The following RAB40C variants were observed in gnomAD, a reference collection of about 807,000 sequenced individuals.
The protein encoded by RAB40C is ras-related protein Rab-40C.
In RAB40C, 8 loss-of-function variants were observed where a neutral mutation model predicts 28.1. That is an observed-to-expected ratio of 0.28 (90% confidence interval 0.17 to 0.51). RAB40C has a LOEUF of 0.51. RAB40C is among the 20% of genes least tolerant of loss of function. RAB40C has a pLI of 0.97. For synonymous variants in RAB40C, 201 were observed against 171.7 expected, an observed-to-expected ratio of 1.17 and a Z score of -1.34; for missense variants, 288 against 405.9, an observed-to-expected ratio of 0.71 and a Z score of 2.50.
Position 625,492 on chromosome 16 carries a change from A to T in RAB40C, c.325A>T (p.Ile109Phe). The T allele has an allele frequency of 6.2e-7, 1 of 1,613,470 alleles. No homozygotes were observed. Among genetic ancestry groups the T allele is most frequent in the Non-Finnish European group, 8.5e-7 (1 of 1,179,954 alleles). The change falls in exon 4 of 6, where the codon ATC (isoleucine) becomes TTC (phenylalanine). Residue 109 changes from isoleucine (I) to phenylalanine (F), a missense_variant. Coordinates refer to ENST00000248139, the MANE Select transcript of RAB40C (RefSeq NM_021168.5). The part of the protein sequence containing the change: ...RWSFDGIDRW[I>F]KEIDEHAPGV... ...GTCCTTTGACGGCATCGACCGCTGG[A>T]TCAAGGAGATCGATGAGGTAGGCCT... is the stretch of plus-strand genomic sequence containing the variant.
intron 1 of RAB40C, among the ~76,000 whole-genome samples, chr16:595,054 A>C (rs1310220418): frequency 1.3e-5 from 2 of 152,052 alleles, no homozygotes; most frequent in African/African-American, 4.8e-5. Flanking sequence ...CCTGACCTCA[A>C]GTGATCCACC....
rs557244629 is a variant in RAB40C at position 599,736 on chromosome 16, C to CA, written c.142+9303_142+9304insA. Among the ~76,000 whole-genome samples, 13 of 76,806 alleles carry CA rather than the reference C, an allele frequency of 1.7e-4. 1 individual carries two copies. In the South Asian group the frequency reaches 5.7e-3, roughly 34 times the overall value. 50.4% of individuals were successfully genotyped at this position (76,806 alleles called of 152,430 possible). A position where few individuals can be genotyped will look rare whatever the true frequency, so the allele number is the denominator to read the frequency against. ...CTCGTGGCATCAGTCAGCGTGGATT[C>CA]GCAAGGTTTTGTTCCCTCGTGGCAT... is the stretch of plus-strand genomic sequence containing the variant. On this transcript the variant is annotated intron_variant, in intron 1 of 5. Coordinates refer to ENST00000248139, the MANE Select transcript of RAB40C (RefSeq NM_021168.5).
intron 1 of RAB40C, among the ~76,000 whole-genome samples, chr16:607,691 T>C (rs943765305): frequency 6.6e-6 from 1 of 152,088 alleles, no homozygotes; most frequent in Non-Finnish European, 1.5e-5. Context: ...CTCGGGAGGC[T>C]GAGGCAGGAG....
At chr16:618,124 G>A (rs2036626509) in intron 2 of RAB40C, 76 bp from the exon 3 acceptor site, 5 of 1,428,940 alleles carry the variant, frequency 3.5e-6, no homozygotes, top group Non-Finnish European at 4.9e-6. Context: ...ATCCAGGTGG[G>A]TCGGCAGAGG....
chr16:624,048 C>T (rs2036776354), intron 3 of RAB40C: 1 of 985,368 alleles, frequency 1.0e-6, no homozygotes, highest in Non-Finnish European at 1.2e-6. Flanking sequence ...CTGCTGTCTT[C>T]AGCATCTGCA....
intron 5 of RAB40C, 106 bp from the exon 6 acceptor site, chr16:627,236 T>G: frequency 8.7e-7 from 1 of 1,153,644 alleles, no homozygotes; most frequent in South Asian, 1.4e-5. Flanking sequence ...GGAACACCTC[T>G]AGGAGTGTGG....
chr16:602,618 A>G lies in RAB40C; in HGVS notation c.142+12185A>G, dbSNP rs552379728. Among the ~76,000 whole-genome samples the G allele has an allele frequency of 6.4e-4, 98 of 152,034 alleles. 6 individuals are homozygous for G. The South Asian group carries it at 0.012, about 18-fold the overall frequency. On this transcript the variant is annotated intron_variant, in intron 1 of 5. Coordinates refer to ENST00000248139, the MANE Select transcript of RAB40C (RefSeq NM_021168.5). ...TAGTTTTTTGGTATTTTTTTAGTAG[A>G]GATGAGGTTTCACCATGTCGGCCAG...
In RAB40C at chr16:590,423, C is replaced by G. The variant is rs1482598319; in HGVS notation, c.132C>G (p.Ala44=). 6.3e-7 allele frequency: 1 copy of G among 1,587,768 alleles called. No homozygotes were observed. The highest frequency in any genetic ancestry group is 8.5e-7 in the Non-Finnish European group (1 of 1,170,192). ...LQDGAAESPY[A]YSNGIDYKTT... ...ACGGCGCGGCAGAGTCCCCGTACGC[C>G]TACAGTAACGGTAAGGCCCGGCCCG... Residue 44 remains alanine, a synonymous_variant, in exon 1 of 6, where the codon GCC becomes GCG. Coordinates refer to ENST00000248139, the MANE Select transcript of RAB40C (RefSeq NM_021168.5).
At chr16:592,472 A>T (rs1165317772) in intron 1 of RAB40C, among the ~76,000 whole-genome samples, 2 of 152,050 alleles carry the variant, frequency 1.3e-5, no homozygotes, top group East Asian at 1.9e-4. Flanking sequence ...GTCCATTTTG[A>T]GGTGGGGGAA....
intron 1 of RAB40C, among the ~76,000 whole-genome samples, chr16:600,579 C>A (rs553530090): frequency 6.6e-6 from 1 of 152,092 alleles, no homozygotes; most frequent in Non-Finnish European, 1.5e-5. Context: ...GGTGAAACCC[C>A]GTCTCTACTA....
At chr16:596,209 A>G in intron 1 of RAB40C, 4 of 437,084 alleles carry the variant, frequency 9.2e-6, no homozygotes, top group South Asian at 4.9e-5. Context: ...TAAATTGAAC[A>G]GTGTTTCAGG....
intron 1 of RAB40C, among the ~76,000 whole-genome samples, chr16:595,391 C>T (rs947925883): frequency 1.3e-5 from 2 of 152,170 alleles, no homozygotes; most frequent in Non-Finnish European, 2.9e-5. Flanking sequence ...TGTGAAGCAG[C>T]GGGCTTCATG....
intron 1 of RAB40C, among the ~76,000 whole-genome samples, chr16:611,065 G>C (rs537469531): frequency 6.6e-6 from 1 of 152,182 alleles, no homozygotes; most frequent in Non-Finnish European, 1.5e-5. Flanking sequence ...GACGCGCACC[G>C]TGGGCAACCG....
intron 1 of RAB40C, among the ~76,000 whole-genome samples, chr16:607,501 CAAAAA>C (rs536655116): frequency 9.9e-6 from 1 of 100,990 alleles, no homozygotes; most frequent in Non-Finnish European, 2.1e-5. Flanking sequence ...GAAACTGTCT[CAAAAA>C]AAAAAAAAAA....
Position 590,336 on chromosome 16 carries a change from C to T in RAB40C, c.45C>T (p.Leu15=). 2 of 1,595,286 alleles carry T rather than the reference C, an allele frequency of 1.3e-6. No individual in the cohort carries two copies. The highest frequency in any genetic ancestry group is 1.1e-5 in the South Asian group (1 of 89,166). ...GSPVKSYDYL[L]KFLLVGDSDV... is the part of the protein sequence containing the mutation. ...CGGTGAAGAGCTACGACTACCTGCT[C>T]AAGTTCCTGCTGGTGGGCGACAGCG... The change falls in exon 1 of 6, where the codon CTC becomes CTT. Residue 15 remains leucine, a synonymous_variant. Transcript: ENST00000248139.
At chr16:622,707 T>C (rs1479381303) in intron 3 of RAB40C, among the ~76,000 whole-genome samples, 2 of 152,214 alleles carry the variant, frequency 1.3e-5, no homozygotes, top group African/African-American at 4.8e-5. Flanking sequence ...GGTTTCACCA[T>C]GTTGGCCAGG....
chr16:596,797 T>C (rs972453909), intron 1 of RAB40C, among the ~76,000 whole-genome samples: 2 of 152,126 alleles, frequency 1.3e-5, no homozygotes, highest in African/African-American at 4.8e-5. Context: ...AGGGGCCTCT[T>C]CAGTCCTCTT....
At chr16:591,445 G>A (rs35585285) in intron 1 of RAB40C, among the ~76,000 whole-genome samples, 1 of 152,036 alleles carries the variant, frequency 6.6e-6, no homozygotes, top group African/African-American at 2.4e-5. Flanking sequence ...ACCCTGTCTC[G>A]AGCGTGCACA....
At chr16:594,084 TC>T (rs1416786407) in intron 1 of RAB40C, among the ~76,000 whole-genome samples, 16 of 152,090 alleles carry the variant, frequency 1.1e-4, no homozygotes, top group Non-Finnish European at 1.5e-5. Context: ...GCCCAGCCGC[TC>T]CCGCTCTGCA....
Sources: gnomAD v4.1 joint callset for allele counts (sites outside exome capture counted in the v4.1 genomes callset) on GRCh38, gnomAD v4.1.1 for gene constraint, MANE v1.5 for transcripts, NCBI Gene and HGNC (gene_info 2026-07-23, HGNC 2026-07-21) for gene names.